DLGAP2: variants seen among roughly 807,000 people sequenced by gnomAD.
DLGAP2 encodes the protein DLG associated protein 2.
Under a neutral mutation model 100.3 loss-of-function variants are expected in DLGAP2, and 26 were observed. That is an observed-to-expected ratio of 0.26 (90% CI 0.19 to 0.36). The LOEUF is 0.36. Ranked by LOEUF, DLGAP2 falls within the 10% of genes least tolerant of loss-of-function variation. The pLI is 1.00. For missense variants in DLGAP2, 1,858 were observed against 1,453.2 expected, an observed-to-expected ratio of 1.28 and a Z score of -4.53; for synonymous variants, 886 against 630.1, an observed-to-expected ratio of 1.41 and a Z score of -6.08.
intron 1 of DLGAP2, among the ~76,000 whole-genome samples, chr8:829,709 G>C (rs1432807133): frequency 6.6e-6 from 1 of 152,122 alleles, no homozygotes; most frequent in African/African-American, 2.4e-5. Flanking sequence ...AGAGATGGTT[G>C]TTATTGACAT....
At chr8:1,075,668 G>T (rs1803582431) in intron 2 of DLGAP2, among the ~76,000 whole-genome samples, 1 of 152,092 alleles carries the variant, frequency 6.6e-6, no homozygotes, top group African/African-American at 2.4e-5. Context: ...TCTCCTTCAG[G>T]TCCTTTGTGG....
In DLGAP2 at chr8:1,683,422, G is replaced by A. The variant is rs2469720; in HGVS notation, c.2704+4793G>A. ...CTGCCCTTCATCCTGCCTGTGGGGA[G>A]GGTCTGTGCTACCTGACCTCACAGA... On this transcript the variant is annotated intron_variant, in intron 12 of 14. Transcript: ENST00000637795. Among the ~76,000 whole-genome samples the A allele has an allele frequency of 6.7e-4, 102 of 151,558 alleles. 4 individuals carry two copies. The highest frequency in any genetic ancestry group is 1.1e-3 in the Non-Finnish European group (76 of 67,640).
chr8:893,166 C>A (rs1005530015), intron 1 of DLGAP2: 1 of 152,020 alleles, frequency 6.6e-6, no homozygotes, highest in South Asian at 2.1e-4. Flanking sequence ...CCGCGTGCAA[C>A]GTGGGGCAGA....
chr8:1,664,799 A>G (rs1798502245), intron 8 of DLGAP2, among the ~76,000 whole-genome samples: 1 of 152,242 alleles, frequency 6.6e-6, no homozygotes, highest in Admixed American at 6.5e-5. Context: ...GTATCACTGC[A>G]GCACAGCTAA....
intron 3 of DLGAP2, among the ~76,000 whole-genome samples, chr8:1,315,137 TAAAGC>T (rs779938621): frequency 6.6e-6 from 1 of 152,142 alleles, no homozygotes; most frequent in Non-Finnish European, 1.5e-5. Context: ...TTGAGAAGAG[TAAAGC>T]TTCCTGGAGA....
At chr8:1,270,312 T>TA (rs1418374750) in intron 3 of DLGAP2, among the ~76,000 whole-genome samples, 3 of 152,116 alleles carry the variant, frequency 2.0e-5, no homozygotes, top group African/African-American at 7.2e-5. Context: ...CTCTGAAAAA[T>TA]GTCCAGAAAT....
At position 1,644,317 on chromosome 8, in the gene DLGAP2, A is replaced by G. The variant is rs529322437; in HGVS notation, c.1810+11271A>G. On this transcript the variant is annotated intron_variant, in intron 8 of 14. Coordinates refer to ENST00000637795, the MANE Select transcript of DLGAP2 (RefSeq NM_001346810.2). ...GCTCTGTGCAAGAGCCAGAGGAGTGAAGACTGCCGTCCTCTGTGGGGTTGC... is the reference window on the plus strand; with the variant it reads ...GCTCTGTGCAAGAGCCAGAGGAGTGGAGACTGCCGTCCTCTGTGGGGTTGC... Among the ~76,000 whole-genome samples the G allele has an allele frequency of 9.2e-4, 140 of 152,268 alleles. 2 individuals carry two copies. The South Asian group carries it at 0.012, about 13-fold the overall frequency.
chr8:1,389,812 G>T (rs1311557831), intron 3 of DLGAP2, among the ~76,000 whole-genome samples: 1 of 152,066 alleles, frequency 6.6e-6, no homozygotes, highest in Non-Finnish European at 1.5e-5. Context: ...TTCCCTGCAA[G>T]GATCCAACGC....
In DLGAP2 at chr8:890,805, C is replaced by T. The variant is rs35676475; in HGVS notation, c.19-17107C>T. Among the ~76,000 whole-genome samples the T allele has an allele frequency of 9.2e-3, 1,408 of 152,298 alleles. 16 individuals are homozygous for T. Among genetic ancestry groups the T allele is most frequent in the Non-Finnish European group, 0.015 (1,003 of 68,024 alleles). Reference sequence around the variant, plus strand: ...CCCCTGTCCTTTGCAAACCTCCCCTCTGTGCCCAAGCCACCCTGGGGCGTT... The same window carrying T: ...CCCCTGTCCTTTGCAAACCTCCCCTTTGTGCCCAAGCCACCCTGGGGCGTT... On this transcript the variant is annotated intron_variant, in intron 1 of 14. Transcript: ENST00000637795.
intron 6 of DLGAP2, chr8:1,620,270 T>G (rs1438563871): frequency 1.3e-5 from 2 of 152,282 alleles, no homozygotes; most frequent in East Asian, 3.9e-4. Context: ...TCTCAGCATC[T>G]GCTCCGGGGC....
At chr8:899,564 T>G (rs538431215) in intron 1 of DLGAP2, among the ~76,000 whole-genome samples, 2 of 152,200 alleles carry the variant, frequency 1.3e-5, no homozygotes, top group Non-Finnish European at 2.9e-5. Context: ...CTTAATTACT[T>G]TTAATGCCAT....
chr8:1,226,707 C>T (rs1798423288), intron 2 of DLGAP2, among the ~76,000 whole-genome samples: 2 of 152,092 alleles, frequency 1.3e-5, no homozygotes, highest in South Asian at 4.2e-4. Context: ...ATTTGCATTT[C>T]CCTGAGGATT....
At chr8:1,242,238 G>C (rs1489648161) in intron 2 of DLGAP2, among the ~76,000 whole-genome samples, 1 of 152,206 alleles carries the variant, frequency 6.6e-6, no homozygotes. Flanking sequence ...GGCCTGATGT[G>C]TTTGTGGAAG....
At chr8:1,489,432 C>T (rs572134118) in intron 3 of DLGAP2, among the ~76,000 whole-genome samples, 116 of 152,280 alleles carry the variant, frequency 7.6e-4, no homozygotes, top group African/African-American at 2.6e-3. Flanking sequence ...AGCAGTCACT[C>T]GGGGCTGACC....
chr8:1,601,174 C>A (rs1389089576), intron 6 of DLGAP2, among the ~76,000 whole-genome samples: 1 of 152,182 alleles, frequency 6.6e-6, no homozygotes, highest in Non-Finnish European at 1.5e-5. Context: ...CACTCCAGAC[C>A]CTGTTTGCCT....
chr8:1,190,867 G>A (rs1481064221), intron 2 of DLGAP2, among the ~76,000 whole-genome samples: 1 of 152,186 alleles, frequency 6.6e-6, no homozygotes, highest in Non-Finnish European at 1.5e-5. Context: ...AGCAGCAAGC[G>A]TGGGGTCTGT....
At chr8:1,326,093 T>C (rs1411233031) in intron 3 of DLGAP2, among the ~76,000 whole-genome samples, 1 of 152,240 alleles carries the variant, frequency 6.6e-6, no homozygotes, top group Non-Finnish European at 1.5e-5. Context: ...ATACAGCTTT[T>C]TTCTTCTTCG....
chr8:1,535,835 C>T (rs996520714), intron 4 of DLGAP2, among the ~76,000 whole-genome samples: 1 of 152,160 alleles, frequency 6.6e-6, no homozygotes. Context: ...GTGGGCTGCC[C>T]TGTGCCGGCT....
intron 3 of DLGAP2, among the ~76,000 whole-genome samples, chr8:1,324,086 C>A (rs1040312099): frequency 6.6e-6 from 1 of 152,148 alleles, no homozygotes; most frequent in Admixed American, 6.6e-5. Flanking sequence ...GTCTCTAGGG[C>A]CTCTGGCTTA....
Sources: gnomAD v4.1 joint callset for allele counts (sites outside exome capture counted in the v4.1 genomes callset) on GRCh38, gnomAD v4.1.1 for gene constraint, MANE v1.5 for transcripts, NCBI Gene and HGNC (gene_info 2026-07-23, HGNC 2026-07-21) for gene names.